The following TUT4 variants were observed in gnomAD, a reference collection of about 807,000 sequenced individuals.
TUT4 encodes the protein terminal uridylyltransferase 4.
In TUT4, 36 loss-of-function variants were observed where a neutral mutation model predicts 192.2. That is an observed-to-expected ratio of 0.19 (90% CI 0.14 to 0.25). The LOEUF (loss-of-function observed/expected upper bound fraction) is 0.25, where lower values mean the gene tolerates loss of function less well. Among genes scored for constraint, TUT4 ranks in the 10% least tolerant of loss-of-function variants. The probability of loss-of-function intolerance (pLI) is 1.00; values close to 1 mark genes in which losing one functional copy is unlikely to be tolerated. For missense variants in TUT4, 1,493 were observed against 1,957.2 expected (o/e 0.76, Z 4.47); for synonymous variants, 618 against 666.0 (o/e 0.93, Z 1.11).
chr1:52,439,727 T>C (rs1297908129), intron 24 of TUT4, among the ~76,000 whole-genome samples: 48 of 152,176 alleles, frequency 3.2e-4, no homozygotes, highest in Admixed American at 2.6e-3. Flanking sequence ...CCTTGAAAAG[T>C]TAAACATAAA....
Position 52,526,236 on chromosome 1 carries a change from C to T in TUT4, c.45G>A (p.Lys15=). 2 of 1,588,640 alleles carry T rather than the reference C, an allele frequency of 1.3e-6. No individual in the cohort carries two copies. The highest frequency in any genetic ancestry group is 1.7e-6 in the Non-Finnish European group (2 of 1,173,740). The stretch of plus-strand genomic sequence containing the variant: ...TGCTTTCTTCACAAATAACATTCTT[C>T]TTTGGTTCATGATTTTCACTTTTTA... ...KTLKSENHEP[K]KNVICEESKA... Residue 15 remains lysine (K), a synonymous_variant, in exon 2 of 30, where the codon AAG becomes AAA. Coordinates refer to ENST00000257177, the MANE Select transcript of TUT4 (RefSeq NM_001009881.3).
chr1:52,454,980 T>A (rs1423785050), intron 20 of TUT4, among the ~76,000 whole-genome samples: 1 of 152,136 alleles, frequency 6.6e-6, no homozygotes, highest in East Asian at 1.9e-4. Flanking sequence ...ATCAGGGAGA[T>A]GCAAATTAAA....
chr1:52,437,207 A>C, intron 25 of TUT4: 1 of 464,804 alleles, frequency 2.2e-6, no homozygotes, highest in Non-Finnish European at 3.7e-6. Context: ...ACCAAATCTT[A>C]AACCTTTAAC....
chr1:52,432,476 A>G (rs1278190360), intron 27 of TUT4: 1 of 152,250 alleles, frequency 6.6e-6, no homozygotes, highest in East Asian at 1.9e-4. Context: ...GGGGCAAGAC[A>G]ATGAAGTGTC....
intron 6 of TUT4, 88 bp downstream of exon 6, chr1:52,495,339 A>G (rs1337444428): frequency 3.8e-6 from 3 of 779,664 alleles, no homozygotes; most frequent in Non-Finnish European, 6.0e-6. Flanking sequence ...AGAGTTTTAT[A>G]TTTCCCTATC....
intron 20 of TUT4, among the ~76,000 whole-genome samples, chr1:52,453,648 C>A (rs1660075190): frequency 6.6e-6 from 1 of 152,122 alleles, no homozygotes; most frequent in Non-Finnish European, 1.5e-5. Flanking sequence ...TCAATGCTTT[C>A]CCTTGTAAAA....
chr1:52,486,912 T>G (rs1669934150), intron 9 of TUT4, among the ~76,000 whole-genome samples: 1 of 152,200 alleles, frequency 6.6e-6, no homozygotes, highest in Non-Finnish European at 1.5e-5. Flanking sequence ...CACAGACTAC[T>G]TATTTTACTG....
At chr1:52,475,847 T>G (rs1485943822) in intron 12 of TUT4, among the ~76,000 whole-genome samples, 2 of 145,364 alleles carry the variant, frequency 1.4e-5, no homozygotes, top group East Asian at 4.0e-4. Context: ...GAAAAAGGAG[T>G]TTTTTTTTTT....
chr1:52,552,365 G>T (rs556764235), intron 1 of TUT4, among the ~76,000 whole-genome samples: 1 of 152,284 alleles, frequency 6.6e-6, no homozygotes, highest in South Asian at 2.1e-4. Context: ...TCGACTGGGG[G>T]GCGGGGGAGA....
At chr1:52,468,947 G>A (rs147212225) in intron 14 of TUT4, among the ~76,000 whole-genome samples, 189 of 152,260 alleles carry the variant, frequency 1.2e-3, no homozygotes, top group African/African-American at 4.2e-3. Flanking sequence ...AAACAAAGCA[G>A]TAATTTATTA....
At chr1:52,424,083 G>C (rs1570012828) in intron 29 of TUT4, 81 bp from the exon 30 acceptor site, 1 of 1,406,150 alleles carries the variant, frequency 7.1e-7, no homozygotes, top group East Asian at 2.5e-5. Context: ...CTTGTAGTTA[G>C]CTTTCTTTTT....
At chr1:52,457,790 C>A (rs1661405533) in intron 20 of TUT4, among the ~76,000 whole-genome samples, 1 of 152,184 alleles carries the variant, frequency 6.6e-6, no homozygotes, top group Non-Finnish European at 1.5e-5. Context: ...TTATAAGTCA[C>A]CAATTCTGAG....
chr1:52,529,806 G>C (rs1294564514), intron 1 of TUT4: 1 of 152,188 alleles, frequency 6.6e-6, no homozygotes, highest in Non-Finnish European at 1.5e-5. Flanking sequence ...CCCAGGCTCA[G>C]AAAATTGACA....
intron 1 of TUT4, among the ~76,000 whole-genome samples, chr1:52,550,672 T>C (rs1689206237): frequency 6.6e-6 from 1 of 152,156 alleles, no homozygotes; most frequent in South Asian, 2.1e-4. Context: ...TCTTTTATTT[T>C]TTGGCAGTGA....
rs1242522039 is a variant in TUT4, at chr1:52,526,303, C to T, written c.-23G>A. Reference sequence around the variant, plus strand: ...CATTATTTGAAAATCTGTTTCTTTCCAATTGTGATATTATAAAATGGCAGA... The same window carrying T: ...CATTATTTGAAAATCTGTTTCTTTCTAATTGTGATATTATAAAATGGCAGA... On this transcript the variant is annotated 5_prime_UTR_variant, in exon 2 of 30. Coordinates refer to ENST00000257177, the MANE Select transcript of TUT4 (RefSeq NM_001009881.3). The T allele has an allele frequency of 6.8e-7, 1 of 1,461,750 alleles. No homozygotes were observed. Among genetic ancestry groups the T allele is most frequent in the Non-Finnish European group, 9.0e-7 (1 of 1,114,828 alleles). The allele number at this position is 1,461,750 out of a possible 1,614,324, so 90.5% of individuals were successfully genotyped here.
Position 52,526,166 on chromosome 1 carries a change from C to T in TUT4, c.115G>A (p.Asp39Asn), listed in dbSNP as rs758358034. 1 of 1,612,332 alleles carries T rather than the reference C, an allele frequency of 6.2e-7. No homozygotes were observed. The highest frequency in any genetic ancestry group is 1.3e-5 in the African/African-American group (1 of 75,022). ...TTCTCAATTTCTTTTACGGATTTAT[C>T]ATTTCTAGCTTTCAATGTTTGATTA... ...IGNQTLKARN[D>N]KSVKEIENSS... The change falls in exon 2 of 30, where the codon GAT becomes AAT. Residue 39 changes from aspartate (D) to asparagine (N), a missense_variant. Physicochemically the swap from Asp to Asn is conservative, Grantham distance 23. Around this residue, in one of 7 missense-constraint regions of TUT4, gnomAD observed 260 missense variants for 247.8 expected, o/e 1.05. Coordinates refer to ENST00000257177, the MANE Select transcript of TUT4 (RefSeq NM_001009881.3).
chr1:52,516,008 C>A lies in TUT4; in HGVS notation c.765G>T (p.Met255Ile). 5 of 1,613,402 alleles carry A rather than the reference C, an allele frequency of 3.1e-6. No homozygotes were observed. The South Asian group carries it at 5.5e-5, about 18-fold the overall frequency. ...DESNKENSSE[M>I]DYLENATVID... ...TCACAGTGGCATTTTCTAAGTAGTC[C>A]ATCTCTGAAGAATTTTCTTTATTAG... is the stretch of plus-strand genomic sequence containing the variant. The change falls in exon 3 of 30, where the codon ATG (methionine) becomes ATT (isoleucine). Residue 255 changes from methionine (M) to isoleucine (I), a missense_variant. Met to Ile is a conservative substitution (Grantham distance 10). Around this residue, in one of 7 missense-constraint regions of TUT4, gnomAD observed 437 missense variants for 577.6 expected, o/e 0.76. Transcript: ENST00000257177.
rs1652016584 is a variant in TUT4 at position 52,431,406 on chromosome 1, GGGA to G, written c.4315_4317del (p.Ser1439del). 6.2e-7 allele frequency: 1 copy of G among 1,613,928 alleles called. No individual in the cohort carries two copies. Among genetic ancestry groups the G allele is most frequent in the Non-Finnish European group, 8.5e-7 (1 of 1,179,994 alleles). On this transcript the variant is annotated inframe_deletion, in exon 28 of 30. Coordinates refer to ENST00000257177, the MANE Select transcript of TUT4 (RefSeq NM_001009881.3). ...GAAGGCTGAGTAATAGCAGCTGACT[GGGA>G]AGAGTTCTGTGGAAATGGCTGAGGC...
intron 19 of TUT4, among the ~76,000 whole-genome samples, chr1:52,459,019 A>G (rs896180841): frequency 6.6e-6 from 1 of 152,216 alleles, no homozygotes; most frequent in African/African-American, 2.4e-5. Flanking sequence ...AACCATTAAA[A>G]AAAGAACGAA....
Sources: allele counts gnomAD v4.1 joint callset (sites outside exome capture counted in the v4.1 genomes callset), GRCh38; gene constraint gnomAD v4.1.1; regional missense constraint gnomAD v4.1.1; transcripts MANE v1.5; gene names NCBI Gene and HGNC (gene_info 2026-07-23, HGNC 2026-07-21).